Variants in CNTNAP2 observed in about 807,000 individuals in gnomAD.
The protein encoded by CNTNAP2 is contactin associated protein 2, also known as contactin-associated protein-like 2.
CNTNAP2 carries 98 observed loss-of-function variants against 155.2 expected under a neutral mutation model. The ratio of observed to expected loss-of-function variants is 0.63; its 90% CI spans 0.54 to 0.75. The LOEUF (loss-of-function observed/expected upper bound fraction) is 0.75, where lower values mean the gene tolerates loss of function less well. Among genes scored for constraint, CNTNAP2 ranks in the 30% least tolerant of loss-of-function variants. The pLI is 0.00. For missense variants in CNTNAP2, 1,727 were observed against 1,688.1 expected (o/e 1.02, Z -0.40); for synonymous variants, 651 against 631.2 (o/e 1.03, Z -0.47).
chr7:147,513,969 C>G (rs542908824), intron 11 of CNTNAP2, among the ~76,000 whole-genome samples: 14 of 152,336 alleles, frequency 9.2e-5, no homozygotes, highest in African/African-American at 3.1e-4. Flanking sequence ...ACCACCACCA[C>G]ATGGTCCTTT....
At chr7:146,355,946 A>C (rs34933161) in intron 1 of CNTNAP2, among the ~76,000 whole-genome samples, 72,978 of 151,794 alleles carry the variant, frequency 0.48, 20,322 homozygotes, top group African/African-American at 0.77. Context: ...ATATTCTTAC[A>C]CATACAGCTT....
At chr7:148,047,683 A>G (rs1802799123) in intron 15 of CNTNAP2, among the ~76,000 whole-genome samples, 1 of 152,226 alleles carries the variant, frequency 6.6e-6, no homozygotes, top group Non-Finnish European at 1.5e-5. Flanking sequence ...TATGCCACTC[A>G]ATTTTTTTGC....
intron 4 of CNTNAP2, among the ~76,000 whole-genome samples, chr7:147,059,704 T>C (rs1799626761): frequency 6.6e-6 from 1 of 152,104 alleles, no homozygotes; most frequent in Admixed American, 6.5e-5. Context: ...CTCATATATA[T>C]TGTGTCCTTA....
chr7:146,903,106 C>T (rs907640720), intron 3 of CNTNAP2, among the ~76,000 whole-genome samples: 3 of 152,322 alleles, frequency 2.0e-5, no homozygotes, highest in Middle Eastern at 6.8e-3. Context: ...AGACTGTGAT[C>T]TATGGGCTTG....
chr7:146,638,472 G>GTTTTTTTTTTTTTTTTTT (rs1554460106), intron 1 of CNTNAP2, among the ~76,000 whole-genome samples: 1 of 100,106 alleles, frequency 1.0e-5, no homozygotes, highest in African/African-American at 3.5e-5. Context: ...ACAGTCAGGT[G>GTTTTTTTTTTTTTTTTTT]TTTCTTTTTT....
At chr7:148,280,860 A>G (rs1355264259) in intron 21 of CNTNAP2, among the ~76,000 whole-genome samples, 3 of 152,034 alleles carry the variant, frequency 2.0e-5, no homozygotes, top group Non-Finnish European at 4.4e-5. Flanking sequence ...CGGAAGTTGC[A>G]GTGAGCAGAG....
intron 21 of CNTNAP2, among the ~76,000 whole-genome samples, chr7:148,342,792 TTAAAG>T (rs1798257773): frequency 6.6e-6 from 1 of 152,224 alleles, no homozygotes; most frequent in Non-Finnish European, 1.5e-5. Flanking sequence ...TTTTAACCAC[TTAAAG>T]TAAGCCCTTT....
intron 1 of CNTNAP2, among the ~76,000 whole-genome samples, chr7:146,135,059 G>C (rs910189095): frequency 6.6e-6 from 1 of 152,020 alleles, no homozygotes; most frequent in Non-Finnish European, 1.5e-5. Context: ...TTTTTATAAT[G>C]TAACATTTCT....
rs1403873012 is a variant in CNTNAP2 at position 148,365,918 on chromosome 7, A to G, written c.3476-17731A>G. 6.2e-4 allele frequency among the ~76,000 whole-genome samples: 2 copies of G among 3,236 alleles called. 1 individual carries two copies. The highest frequency in any genetic ancestry group is 8.7e-4 in the African/African-American group (2 of 2,294). The allele number at this position is 3,236 out of a possible 152,430, so 2.1% of individuals were successfully genotyped here. ...TATGCATGTATACATGCGTGTATGC[A>G]TGTATACATGCGTGTATGCATGTAT... On this transcript the variant is annotated intron_variant, in intron 21 of 23. Coordinates refer to ENST00000361727, the MANE Select transcript of CNTNAP2 (RefSeq NM_014141.6).
intron 2 of CNTNAP2, among the ~76,000 whole-genome samples, chr7:146,784,702 T>C (rs938525124): frequency 5.9e-5 from 9 of 152,186 alleles, no homozygotes; most frequent in Non-Finnish European, 1.2e-4. Context: ...TCTAGGACCC[T>C]GTCGTCACTG....
intron 5 of CNTNAP2, among the ~76,000 whole-genome samples, chr7:147,113,261 A>C (rs1280487780): frequency 6.6e-6 from 1 of 152,020 alleles, no homozygotes. Flanking sequence ...GGAAATACAA[A>C]TGTATTTCTG....
chr7:147,254,467 A>T (rs1318575397), intron 8 of CNTNAP2, among the ~76,000 whole-genome samples: 1 of 152,092 alleles, frequency 6.6e-6, no homozygotes, highest in South Asian at 2.1e-4. Flanking sequence ...TGAACTAAAG[A>T]AGTTTTTGAT....
chr7:147,792,938 C>T (rs1414857025), intron 13 of CNTNAP2, among the ~76,000 whole-genome samples: 2 of 152,066 alleles, frequency 1.3e-5, no homozygotes, highest in African/African-American at 4.8e-5. Context: ...TGTTAATTTC[C>T]CTGATGACTA....
At chr7:148,168,850 A>C (rs1196419285) in intron 17 of CNTNAP2, among the ~76,000 whole-genome samples, 1 of 152,248 alleles carries the variant, frequency 6.6e-6, no homozygotes, top group Non-Finnish European at 1.5e-5. Flanking sequence ...AAAGGTTAAC[A>C]TGTGGAGAGA....
In CNTNAP2 at chr7:147,974,288, G is replaced by T. The variant is rs899974801; in HGVS notation, c.2256-3574G>T. ...CTCCTAGCACTAGTTTCATAAGAAGGTAGTACACTGTCACTCATCATATAT... is the reference window on the plus strand; with the variant it reads ...CTCCTAGCACTAGTTTCATAAGAAGTTAGTACACTGTCACTCATCATATAT... On this transcript the variant is annotated intron_variant, in intron 14 of 23. Coordinates refer to ENST00000361727, the MANE Select transcript of CNTNAP2 (RefSeq NM_014141.6). 1.4e-4 allele frequency among the ~76,000 whole-genome samples: 21 copies of T among 152,074 alleles called. 1 individual carries two copies. The highest frequency in any genetic ancestry group is 1.5e-5 in the Non-Finnish European group (1 of 68,030).
intron 4 of CNTNAP2, among the ~76,000 whole-genome samples, chr7:147,079,869 A>G (rs1800084803): frequency 6.6e-6 from 1 of 152,102 alleles, no homozygotes; most frequent in African/African-American, 2.4e-5. Context: ...CGCGAGACTT[A>G]CTGTCATGTG....
At chr7:147,407,586 A>G (rs1163401550) in intron 10 of CNTNAP2, among the ~76,000 whole-genome samples, 1 of 151,328 alleles carries the variant, frequency 6.6e-6, no homozygotes, top group Non-Finnish European at 1.5e-5. Context: ...GGTCAAGGCC[A>G]CTGGTACTAA....
At chr7:146,433,084 G>A (rs1796194268) in intron 1 of CNTNAP2, among the ~76,000 whole-genome samples, 1 of 152,072 alleles carries the variant, frequency 6.6e-6, no homozygotes, top group Admixed American at 6.6e-5. Flanking sequence ...TTTCCAAACC[G>A]TCAGTACTCT....
chr7:148,158,346 C>T (rs578116932), intron 17 of CNTNAP2, among the ~76,000 whole-genome samples: 1 of 150,810 alleles, frequency 6.6e-6, no homozygotes, highest in Non-Finnish European at 1.5e-5. Context: ...CCTTGGCCTC[C>T]CAGGTAGCTG....
Sources: allele counts gnomAD v4.1 joint callset (sites outside exome capture counted in the v4.1 genomes callset), GRCh38; gene constraint gnomAD v4.1.1; transcripts MANE v1.5; gene names NCBI Gene and HGNC (gene_info 2026-07-23, HGNC 2026-07-21).